CTIF: variants seen among roughly 807,000 people sequenced by gnomAD.
The protein encoded by CTIF is cap binding complex dependent translation initiation factor, also known as CBP80/20-dependent translation initiation factor.
Under a neutral mutation model 66.0 loss-of-function variants are expected in CTIF, and 21 were observed. The observed-to-expected ratio is 0.32, with a 90% confidence interval of 0.23 to 0.46. The LOEUF (loss-of-function observed/expected upper bound fraction) is 0.46. Among genes scored for constraint, CTIF ranks in the 20% least tolerant of loss-of-function variants. CTIF has a pLI of 1.00. For missense variants in CTIF, 739 were observed against 812.7 expected (o/e 0.91, Z 1.10); for synonymous variants, 345 against 326.4 (o/e 1.06, Z -0.62).
intron 9 of CTIF, among the ~76,000 whole-genome samples, chr18:48,799,000 C>G (rs2067991583): frequency 6.6e-6 from 1 of 152,174 alleles, no homozygotes; most frequent in Non-Finnish European, 1.5e-5. Context: ...GGAGCCTCCT[C>G]TCGCTGCCAC....
rs200081275 is a variant in CTIF, at chr18:48,664,509, G to A, written c.389G>A (p.Arg130Gln). The A allele has an allele frequency of 4.3e-6, 7 of 1,613,250 alleles. No homozygotes were observed. The highest frequency in any genetic ancestry group is 4.2e-6 in the Non-Finnish European group (5 of 1,179,960). ...TTCACCCAGTTCCACCGCAAAGTCC[G>A]ACACACGCCCAAGCAGCCCCTGCCA... The part of the protein sequence containing the change: ...LDFTQFHRKV[R>Q]HTPKQPLPHI... Residue 130 changes from arginine (R) to glutamine (Q), a missense_variant, in exon 5 of 12, where the codon CGA becomes CAA. Coordinates refer to ENST00000256413, the MANE Select transcript of CTIF (RefSeq NM_014772.3).
chr18:48,703,149 C>T (rs559451418), intron 6 of CTIF, among the ~76,000 whole-genome samples: 3 of 152,322 alleles, frequency 2.0e-5, no homozygotes, highest in South Asian at 4.1e-4. Flanking sequence ...GCCCTACCTC[C>T]ATGGGGCTCA....
At chr18:48,690,402 C>G (rs1219065675) in intron 6 of CTIF, among the ~76,000 whole-genome samples, 1 of 152,106 alleles carries the variant, frequency 6.6e-6, no homozygotes, top group Non-Finnish European at 1.5e-5. Flanking sequence ...CTGATTTGCT[C>G]CAGCCTGTCC....
At chr18:48,557,713 A>G (rs2089055441) in intron 1 of CTIF, among the ~76,000 whole-genome samples, 1 of 152,254 alleles carries the variant, frequency 6.6e-6, no homozygotes, top group Non-Finnish European at 1.5e-5. Context: ...ACAGTTCTGG[A>G]GGCTGGAAGT....
At chr18:48,711,533 T>C (rs1488316470) in intron 6 of CTIF, 86 bp from the exon 7 acceptor site, 38 of 991,856 alleles carry the variant, frequency 3.8e-5, no homozygotes, top group Non-Finnish European at 5.6e-5. Context: ...CTGTCTTAGA[T>C]GCTGGTGTAC....
chr18:48,788,044 G>A (rs1568218799), intron 9 of CTIF, among the ~76,000 whole-genome samples: 1 of 152,182 alleles, frequency 6.6e-6, no homozygotes, highest in Admixed American at 6.5e-5. Flanking sequence ...ACACTGCTCA[G>A]GGAGAGCAGC....
rs114128387 is a variant in CTIF at position 48,677,575 on chromosome 18, C to T, written c.507+6831C>T. On this transcript the variant is annotated intron_variant, in intron 6 of 11. Coordinates refer to ENST00000256413, the MANE Select transcript of CTIF (RefSeq NM_014772.3). ...TACCCTCACGTTGTCCCATGGAGCACGTACTGTTATTGACCTCACTTTACA... is the reference window on the plus strand; with the variant it reads ...TACCCTCACGTTGTCCCATGGAGCATGTACTGTTATTGACCTCACTTTACA... Among the ~76,000 whole-genome samples the T allele has an allele frequency of 9.0e-3, 1,376 of 152,270 alleles. 18 individuals are homozygous for T. The highest frequency in any genetic ancestry group is 0.032 in the African/African-American group (1,312 of 41,542).
chr18:48,600,158 C>G (rs1325131713), intron 1 of CTIF, among the ~76,000 whole-genome samples: 4 of 152,156 alleles, frequency 2.6e-5, no homozygotes, highest in African/African-American at 9.7e-5. Flanking sequence ...CCCCCAACCC[C>G]CGAGGCATGC....
At chr18:48,614,788 A>G (rs1406770760) in intron 1 of CTIF, among the ~76,000 whole-genome samples, 1 of 152,230 alleles carries the variant, frequency 6.6e-6, no homozygotes, top group Admixed American at 6.5e-5. Flanking sequence ...CTATGAATGT[A>G]CTTAAAGCCA....
intron 6 of CTIF, among the ~76,000 whole-genome samples, chr18:48,696,818 C>T (rs999467069): frequency 6.6e-6 from 1 of 152,226 alleles, no homozygotes; most frequent in African/African-American, 2.4e-5. Context: ...AGAAGTGAGA[C>T]ACTTGTTACA....
intron 3 of CTIF, among the ~76,000 whole-genome samples, chr18:48,661,207 G>A (rs1402871897): frequency 2.0e-5 from 3 of 152,194 alleles, no homozygotes; most frequent in Non-Finnish European, 4.4e-5. Context: ...CAGTGACCAA[G>A]AGGTGATCCA....
intron 9 of CTIF, among the ~76,000 whole-genome samples, chr18:48,781,027 A>AC (rs779817139): frequency 6.0e-5 from 9 of 150,830 alleles, no homozygotes; most frequent in South Asian, 2.1e-4. Flanking sequence ...GAAGGCGAAG[A>AC]CCCCCCCATC....
chr18:48,670,492 C>T, intron 5 of CTIF, 177 bp from the exon 6 acceptor site: 1 of 557,760 alleles, frequency 1.8e-6, no homozygotes, highest in Admixed American at 3.0e-5. Flanking sequence ...AGGACCCCCC[C>T]CCCACACACA....
At chr18:48,821,450 T>G (rs2068481903) in intron 10 of CTIF, among the ~76,000 whole-genome samples, 1 of 152,264 alleles carries the variant, frequency 6.6e-6, no homozygotes, top group South Asian at 2.1e-4. Context: ...GAATCAGTCC[T>G]GGAATCCAGA....
rs1021881154 is a variant in CTIF, at chr18:48,862,388, AT to A, written c.*2831del. 1.3e-5 allele frequency: 2 copies of A among 152,522 alleles called. No homozygotes were observed. Among genetic ancestry groups the A allele is most frequent in the African/African-American group, 4.8e-5 (2 of 41,406 alleles). 9.4% of individuals were successfully genotyped at this position (152,522 alleles called of 1,614,324 possible). A position where few individuals can be genotyped will look rare whatever the true frequency, so the allele number is the denominator to read the frequency against. ...CACTGCCTGTCAGGATGAGTTAGTC[AT>A]TGTTTTTCTCCGAGGCGGCCTGCTT... On this transcript the variant is annotated 3_prime_UTR_variant, in exon 12 of 12. Coordinates refer to ENST00000256413, the MANE Select transcript of CTIF (RefSeq NM_014772.3).
chr18:48,655,026 GAC>G lies in CTIF; in HGVS notation c.253-8725_253-8724del, dbSNP rs1359447972. The stretch of plus-strand genomic sequence containing the variant: ...ATTAGGATAAATACCTAACGTAAAT[GAC>G]GAGTTAATGGGTGCAGCAAACCAAC... On this transcript the variant is annotated intron_variant, in intron 3 of 11. Transcript: ENST00000256413. Among the ~76,000 whole-genome samples the G allele has an allele frequency of 2.6e-5, 4 of 152,126 alleles. No homozygotes were observed. The East Asian group carries it at 7.7e-4, about 29-fold the overall frequency.
chr18:48,616,217 A>T (rs1335460290), intron 1 of CTIF, among the ~76,000 whole-genome samples: 1 of 152,196 alleles, frequency 6.6e-6, no homozygotes, highest in African/African-American at 2.4e-5. Context: ...GTCTTCCAGG[A>T]ATAATGGGCG....
chr18:48,831,141 C>T (rs751993938), intron 10 of CTIF, among the ~76,000 whole-genome samples: 29 of 152,122 alleles, frequency 1.9e-4, no homozygotes, highest in African/African-American at 2.9e-4. Flanking sequence ...GAGCTCAGAA[C>T]GGGAAAGGGA....
At chr18:48,849,112 T>C (rs1053772591) in intron 10 of CTIF, among the ~76,000 whole-genome samples, 1 of 151,528 alleles carries the variant, frequency 6.6e-6, no homozygotes, top group Admixed American at 6.6e-5. Flanking sequence ...CCTTCATGGA[T>C]GCAGCTCGTC....
Sources: gnomAD v4.1 joint callset for allele counts (sites outside exome capture counted in the v4.1 genomes callset) on GRCh38, gnomAD v4.1.1 for gene constraint, MANE v1.5 for transcripts, NCBI Gene and HGNC (gene_info 2026-07-23, HGNC 2026-07-21) for gene names.